The following DLG2 variants were observed in gnomAD, a reference collection of about 807,000 sequenced individuals.
DLG2 encodes the protein discs large MAGUK scaffold protein 2.
DLG2 carries 45 observed loss-of-function variants against 132.5 expected under a neutral mutation model. The ratio of observed to expected loss-of-function variants is 0.34; its 90% confidence interval spans 0.27 to 0.44. The LOEUF (loss-of-function observed/expected upper bound fraction) is 0.44, where lower values mean the gene tolerates loss of function less well. Among genes scored for constraint, DLG2 ranks in the 20% least tolerant of loss-of-function variants. DLG2 has a pLI of 1.00. For synonymous variants in DLG2, 424 were observed against 419.6 expected (o/e 1.01, Z -0.13); for missense variants, 1,045 against 1,196.9 (o/e 0.87, Z 1.87).
chr11:84,090,329 G>A (rs1283438056), intron 10 of DLG2, among the ~76,000 whole-genome samples: 3 of 148,784 alleles, frequency 2.0e-5, no homozygotes, highest in East Asian at 2.0e-4. Flanking sequence ...CAGGAGAATC[G>A]CTTGAACCCA....
rs368933527 is a variant in DLG2 at position 84,294,285 on chromosome 11, A to T, written c.520-42994T>A. ...TTATTATGCATAAGTAAAAATTAGG[A>T]AATTGAGCTAGCTTTTTAAAGAACA... On this transcript the variant is annotated intron_variant, in intron 7 of 27. Coordinates refer to ENST00000376104, the MANE Select transcript of DLG2 (RefSeq NM_001142699.3). Among the ~76,000 whole-genome samples the T allele has an allele frequency of 4.3e-4, 65 of 152,162 alleles. 1 individual carries two copies. The South Asian group carries it at 0.013, about 30-fold the overall frequency.
At chr11:83,867,705 A>ACACAGTT (rs2154058059) in intron 16 of DLG2, among the ~76,000 whole-genome samples, 1 of 152,244 alleles carries the variant, frequency 6.6e-6, no homozygotes, top group Admixed American at 6.5e-5. Flanking sequence ...TTATGTATTT[A>ACACAGTT]TTTATTTTTA....
intron 3 of DLG2, among the ~76,000 whole-genome samples, chr11:85,577,069 A>G (rs978854205): frequency 6.6e-6 from 1 of 152,138 alleles, no homozygotes; most frequent in African/African-American, 2.4e-5. Flanking sequence ...AGTAGCTAGG[A>G]TTCAGATTAT....
At chr11:83,742,341 TTAAA>T (rs1269923976) in intron 18 of DLG2, among the ~76,000 whole-genome samples, 1 of 152,018 alleles carries the variant, frequency 6.6e-6, no homozygotes, top group Non-Finnish European at 1.5e-5. Context: ...GTTGTGTACC[TTAAA>T]TATATATAGT....
In DLG2 at chr11:83,657,115, T is replaced by C. The variant is rs138702098; in HGVS notation, c.1826-23790A>G. 3.9e-4 allele frequency among the ~76,000 whole-genome samples: 60 copies of C among 152,338 alleles called. 1 individual carries two copies. The East Asian group carries it at 0.011, about 28-fold the overall frequency. On this transcript the variant is annotated intron_variant, in intron 18 of 27. Transcript: ENST00000376104. ...TTCCATATCTCTTTATTATAACATC[T>C]AGATTAAAACTTGTCTTATTCTGTC...
chr11:83,763,914 C>A (rs2094026453), intron 18 of DLG2, among the ~76,000 whole-genome samples: 1 of 152,128 alleles, frequency 6.6e-6, no homozygotes, highest in Non-Finnish European at 1.5e-5. Context: ...GTCTATTTTG[C>A]CGGATCTCAT....
intron 6 of DLG2, among the ~76,000 whole-genome samples, chr11:84,610,402 A>C (rs191371138): frequency 8.5e-5 from 13 of 152,180 alleles, no homozygotes; most frequent in Admixed American, 8.5e-4. Context: ...AATAAAGAAA[A>C]ATTTTTTAAA....
intron 6 of DLG2, among the ~76,000 whole-genome samples, chr11:84,738,761 G>A (rs374507254): frequency 2.0e-5 from 3 of 152,090 alleles, no homozygotes; most frequent in African/African-American, 7.2e-5. Context: ...GTACAACACA[G>A]CCATTGCATT....
intron 7 of DLG2, among the ~76,000 whole-genome samples, chr11:84,406,294 T>C (rs1340731627): frequency 6.6e-6 from 1 of 152,104 alleles, no homozygotes; most frequent in Non-Finnish European, 1.5e-5. Context: ...TGACCTTTTT[T>C]TGTTGTTGTT....
chr11:83,499,733 G>A (rs1042975441), intron 21 of DLG2, among the ~76,000 whole-genome samples: 2 of 147,700 alleles, frequency 1.4e-5, no homozygotes, highest in Non-Finnish European at 3.0e-5. Flanking sequence ...CTGCCTATTG[G>A]GGTATCTTGT....
At chr11:83,988,787 G>A (rs530568137) in intron 11 of DLG2, among the ~76,000 whole-genome samples, 54 of 152,064 alleles carry the variant, frequency 3.6e-4, no homozygotes, top group Non-Finnish European at 6.9e-4. Context: ...TGGAACCTAA[G>A]CTCCCTATTT....
At chr11:85,189,320 G>A (rs1378341233) in intron 4 of DLG2, among the ~76,000 whole-genome samples, 1 of 152,060 alleles carries the variant, frequency 6.6e-6, no homozygotes, top group Non-Finnish European at 1.5e-5. Flanking sequence ...TTCATTCCTA[G>A]AGACCTAAAA....
chr11:83,957,530 C>G (rs1303964177), intron 14 of DLG2, among the ~76,000 whole-genome samples: 1 of 149,118 alleles, frequency 6.7e-6, no homozygotes, highest in East Asian at 2.0e-4. Flanking sequence ...CCAGTGGTCT[C>G]TCTACTCCAC....
At chr11:83,543,637 T>C (rs954464012) in intron 19 of DLG2, among the ~76,000 whole-genome samples, 4 of 152,056 alleles carry the variant, frequency 2.6e-5, no homozygotes, top group African/African-American at 9.7e-5. Context: ...CATTATGGAG[T>C]TGCTGTATGG....
chr11:84,202,042 C>T (rs2096602788), intron 8 of DLG2, among the ~76,000 whole-genome samples: 1 of 151,876 alleles, frequency 6.6e-6, no homozygotes, highest in Non-Finnish European at 1.5e-5. Context: ...TGGTCTCGAA[C>T]TCCTGACTTC....
chr11:84,463,914 A>G (rs2099087105), intron 7 of DLG2, among the ~76,000 whole-genome samples: 1 of 151,240 alleles, frequency 6.6e-6, no homozygotes, highest in Admixed American at 6.6e-5. Flanking sequence ...AGAAGGGGGA[A>G]TGTAATCCAT....
intron 4 of DLG2, among the ~76,000 whole-genome samples, chr11:85,188,327 G>T (rs1038884032): frequency 5.3e-5 from 8 of 152,166 alleles, no homozygotes; most frequent in African/African-American, 1.9e-4. Context: ...ATCCTGCAGG[G>T]AAAGAGATTA....
At chr11:84,178,955 A>G (rs1349608551) in intron 8 of DLG2, among the ~76,000 whole-genome samples, 1 of 152,110 alleles carries the variant, frequency 6.6e-6, no homozygotes, top group Non-Finnish European at 1.5e-5. Context: ...TATAGGAGAC[A>G]CGCAAAAAAG....
intron 19 of DLG2, among the ~76,000 whole-genome samples, chr11:83,561,304 T>C (rs1048845303): frequency 6.6e-6 from 1 of 152,136 alleles, no homozygotes; most frequent in Non-Finnish European, 1.5e-5. Flanking sequence ...TACCCCTTTT[T>C]TGTTCTAGCA....
Sources: gnomAD v4.1 joint callset for allele counts (sites outside exome capture counted in the v4.1 genomes callset) on GRCh38, gnomAD v4.1.1 for gene constraint, MANE v1.5 for transcripts, NCBI Gene and HGNC (gene_info 2026-07-23, HGNC 2026-07-21) for gene names.